The following RIMS2 variants were observed in gnomAD, a reference collection of about 807,000 sequenced individuals.
RIMS2 encodes regulating synaptic membrane exocytosis protein 2.
In RIMS2, 59 loss-of-function variants were observed where a neutral mutation model predicts 174.4. The observed-to-expected ratio is 0.34, with a 90% CI of 0.27 to 0.42. The LOEUF is 0.42. Ranked by LOEUF, RIMS2 falls within the 10% of genes least tolerant of loss-of-function variation. The probability of loss-of-function intolerance (pLI) is 1.00; values close to 1 mark genes in which losing one functional copy is unlikely to be tolerated. For synonymous variants in RIMS2, 606 were observed against 572.5 expected (o/e 1.06, Z -0.84); for missense variants, 1,620 against 1,666.3 (o/e 0.97, Z 0.48).
At chr8:104,024,868 C>T (rs1318747955) in intron 19 of RIMS2, among the ~76,000 whole-genome samples, 1 of 152,080 alleles carries the variant, frequency 6.6e-6, no homozygotes, top group Non-Finnish European at 1.5e-5. Context: ...TCTCCTATTA[C>T]CTGTCATAGT....
intron 1 of RIMS2, among the ~76,000 whole-genome samples, chr8:103,618,108 CTAGA>C (rs1276578991): frequency 1.3e-5 from 2 of 152,032 alleles, no homozygotes; most frequent in Non-Finnish European, 2.9e-5. Flanking sequence ...CAGTGACAGA[CTAGA>C]TAAAGAAAAT....
chr8:104,011,481 CCT>C (rs2095760419), intron 17 of RIMS2, among the ~76,000 whole-genome samples: 1 of 151,952 alleles, frequency 6.6e-6, no homozygotes, highest in Admixed American at 6.6e-5. Flanking sequence ...TAAGGAGTGA[CCT>C]CTGTTTTATA....
intron 3 of RIMS2, among the ~76,000 whole-genome samples, chr8:103,811,117 G>A (rs995978472): frequency 4.6e-5 from 7 of 152,164 alleles, no homozygotes; most frequent in African/African-American, 1.7e-4. Flanking sequence ...TATTGTGGCT[G>A]TTGGTGAATG....
intron 13 of RIMS2, 58 bp downstream of exon 15, chr8:103,936,780 A>G: frequency 7.9e-7 from 1 of 1,266,368 alleles, no homozygotes; most frequent in Non-Finnish European, 1.1e-6. Flanking sequence ...ACTTTTATTT[A>G]TATAACTGTC....
In RIMS2 at chr8:103,994,822, G is replaced by A. The variant is rs562056193; in HGVS notation, c.3044+5401G>A. On this transcript the variant is annotated intron_variant, in intron 17 of 23. Transcript: ENST00000504942. ...AGAGAAATAAAATAAATTGATGCTTGATAAAGGTGATTCTTGCTTAATGGC... is the reference window on the plus strand; with the variant it reads ...AGAGAAATAAAATAAATTGATGCTTAATAAAGGTGATTCTTGCTTAATGGC... 4.6e-5 allele frequency among the ~76,000 whole-genome samples: 7 copies of A among 152,216 alleles called. No individual in the cohort carries two copies. In the South Asian group the frequency reaches 8.3e-4, roughly 18 times the overall value.
intron 19 of RIMS2, among the ~76,000 whole-genome samples, chr8:104,209,681 A>C (rs1391718884): frequency 1.3e-5 from 2 of 152,274 alleles, no homozygotes; most frequent in South Asian, 4.1e-4. Context: ...AATGTGCCTG[A>C]AGTACTTAAG....
At chr8:103,506,058 A>T (rs1268186036) in intron 1 of RIMS2, among the ~76,000 whole-genome samples, 1 of 152,090 alleles carries the variant, frequency 6.6e-6, no homozygotes, top group Non-Finnish European at 1.5e-5. Context: ...TAGTATTTTT[A>T]AAAAGTACCA....
intron 19 of RIMS2, among the ~76,000 whole-genome samples, chr8:104,035,364 C>T (rs1004532795): frequency 2.0e-5 from 3 of 151,526 alleles, no homozygotes; most frequent in Non-Finnish European, 4.4e-5. Context: ...TGTTTTACAA[C>T]TTACTATAAT....
chr8:103,927,002 T>C (rs143488802), intron 10 of RIMS2, among the ~76,000 whole-genome samples: 1 of 151,634 alleles, frequency 6.6e-6, no homozygotes, highest in African/African-American at 2.4e-5. Flanking sequence ...CTAGCCCTTT[T>C]CTGTGTTTCC....
intron 3 of RIMS2, among the ~76,000 whole-genome samples, chr8:103,795,617 G>T (rs1299026064): frequency 6.6e-6 from 1 of 151,674 alleles, no homozygotes; most frequent in Admixed American, 6.6e-5. Context: ...AGAAAAAAAA[G>T]AGGATAAGCC....
chr8:104,219,752 T>A (rs1005242121), intron 19 of RIMS2, among the ~76,000 whole-genome samples: 4 of 152,202 alleles, frequency 2.6e-5, no homozygotes, highest in African/African-American at 9.6e-5. Flanking sequence ...TACTGGATGA[T>A]AATGATTCTG....
chr8:103,691,589 G>A (rs1304378), intron 1 of RIMS2, among the ~76,000 whole-genome samples: 118,709 of 152,108 alleles, frequency 0.78, 46,642 homozygotes, highest in East Asian at 0.88. Flanking sequence ...TTCCTTCTCC[G>A]TGGTATCTTG....
intron 19 of RIMS2, among the ~76,000 whole-genome samples, chr8:104,103,050 G>A (rs2097938136): frequency 6.6e-6 from 1 of 152,198 alleles, no homozygotes; most frequent in Non-Finnish European, 1.5e-5. Context: ...TTATTCAGCT[G>A]TAAAAAGGAT....
intron 19 of RIMS2, among the ~76,000 whole-genome samples, chr8:104,169,679 T>A (rs1249138949): frequency 6.6e-6 from 1 of 152,038 alleles, no homozygotes; most frequent in Non-Finnish European, 1.5e-5. Context: ...TTCACTTAGG[T>A]CTGCTCTGAT....
At chr8:103,731,688 C>T (rs2097597431) in intron 2 of RIMS2, among the ~76,000 whole-genome samples, 1 of 152,068 alleles carries the variant, frequency 6.6e-6, no homozygotes, top group Non-Finnish European at 1.5e-5. Context: ...TGTCTGCAAG[C>T]TCACTAATTC....
At chr8:103,910,139 A>G (rs1401062308) in exon 5 of RIMS2, 1 of 1,606,518 alleles carries the variant, frequency 6.2e-7, no homozygotes, top group Non-Finnish European at 8.5e-7. Context: ...CACAGGAGAC[A>G]TGGATTACAA....
At chr8:103,994,403 G>A (rs1414550856) in intron 17 of RIMS2, among the ~76,000 whole-genome samples, 1 of 152,050 alleles carries the variant, frequency 6.6e-6, no homozygotes, top group Admixed American at 6.6e-5. Flanking sequence ...TTTAGTAAAT[G>A]TATTGTTTTT....
chr8:103,751,282 T>C (rs1482580122), intron 2 of RIMS2, among the ~76,000 whole-genome samples: 2 of 152,086 alleles, frequency 1.3e-5, no homozygotes, highest in South Asian at 2.1e-4. Context: ...GAACTCATCC[T>C]TTTTTATGGC....
intron 19 of RIMS2, among the ~76,000 whole-genome samples, chr8:104,198,269 C>T (rs992780683): frequency 1.3e-5 from 2 of 152,196 alleles, no homozygotes; most frequent in East Asian, 1.9e-4. Context: ...AAAAGAGACA[C>T]TCCGTGTTTC....
Sources: allele counts gnomAD v4.1 joint callset (sites outside exome capture counted in the v4.1 genomes callset), GRCh38; gene constraint gnomAD v4.1.1; transcripts MANE v1.5; gene names NCBI Gene and HGNC (gene_info 2026-07-23, HGNC 2026-07-21).